PTPN4: variants seen among roughly 807,000 people sequenced by gnomAD.
PTPN4 encodes protein tyrosine phosphatase non-receptor type 4, also known as tyrosine-protein phosphatase non-receptor type 4.
PTPN4 carries 49 observed loss-of-function variants against 135.5 expected under a neutral mutation model. The ratio of observed to expected loss-of-function variants is 0.36; its 90% CI spans 0.29 to 0.46. The LOEUF (loss-of-function observed/expected upper bound fraction) is 0.46. Among genes scored for constraint, PTPN4 ranks in the 20% least tolerant of loss-of-function variants. The pLI, the probability that PTPN4 is intolerant of heterozygous loss-of-function variation, is 1.00. For missense variants in PTPN4, 860 were observed against 1,101.0 expected, an observed-to-expected ratio of 0.78 and a Z score of 3.10; for synonymous variants, 333 against 369.9, an observed-to-expected ratio of 0.90 and a Z score of 1.14.
chr2:119,838,834 C>G (rs564697165), intron 2 of PTPN4, among the ~76,000 whole-genome samples: 1 of 152,226 alleles, frequency 6.6e-6, no homozygotes, highest in Non-Finnish European at 1.5e-5. Flanking sequence ...ATCATTCACT[C>G]ATTCAGTTAT....
intron 10 of PTPN4, among the ~76,000 whole-genome samples, chr2:119,903,778 A>T (rs1489991896): frequency 6.6e-6 from 1 of 152,170 alleles, no homozygotes; most frequent in African/African-American, 2.4e-5. Context: ...AAGGACTGGC[A>T]TGCCCAGCCT....
intron 2 of PTPN4, among the ~76,000 whole-genome samples, chr2:119,836,916 C>T (rs1228501610): frequency 6.6e-6 from 1 of 152,224 alleles, no homozygotes; most frequent in Non-Finnish European, 1.5e-5. Context: ...CTGAGGATGG[C>T]TCGTCACGGG....
At chr2:119,899,695 A>T (rs1678376696) in intron 9 of PTPN4, among the ~76,000 whole-genome samples, 1 of 152,136 alleles carries the variant, frequency 6.6e-6, no homozygotes, top group Admixed American at 6.5e-5. Context: ...TCTTGATCCA[A>T]ACTTCTAATT....
chr2:119,941,644 C>T (rs75655985), intron 15 of PTPN4, among the ~76,000 whole-genome samples: 3,684 of 152,208 alleles, frequency 0.024, 67 homozygotes, highest in African/African-American at 0.063. Context: ...TTACATAAGA[C>T]AGTGAGAAGG....
intron 26 of PTPN4, among the ~76,000 whole-genome samples, chr2:119,971,454 AATT>A (rs1679534031): frequency 6.6e-6 from 1 of 152,330 alleles, no homozygotes; most frequent in South Asian, 2.1e-4. Context: ...TACATGTGAT[AATT>A]AGCTATTTAT....
At chr2:119,849,334 T>C (rs1677555926) in intron 2 of PTPN4, among the ~76,000 whole-genome samples, 1 of 152,202 alleles carries the variant, frequency 6.6e-6, no homozygotes, top group South Asian at 2.1e-4. Flanking sequence ...AGGGTGTTGC[T>C]TTGTCACCCA....
chr2:119,834,228 C>G (rs748746030), intron 2 of PTPN4, among the ~76,000 whole-genome samples: 9 of 152,120 alleles, frequency 5.9e-5, no homozygotes, highest in Non-Finnish European at 1.0e-4. Flanking sequence ...TTGTTTTTAA[C>G]TATAGTCACC....
chr2:119,852,337 G>C (rs946041536), intron 2 of PTPN4, among the ~76,000 whole-genome samples: 1 of 152,242 alleles, frequency 6.6e-6, no homozygotes, highest in East Asian at 1.9e-4. Context: ...AGAAACAGGA[G>C]CTGTGTTAGG....
At chr2:119,775,046 A>C (rs1038117995) in intron 1 of PTPN4, among the ~76,000 whole-genome samples, 1 of 150,732 alleles carries the variant, frequency 6.6e-6, no homozygotes. Context: ...ATTGAGGAGA[A>C]AAGATATCTG....
chr2:119,909,980 A>AT (rs1165182454), intron 10 of PTPN4, among the ~76,000 whole-genome samples: 2 of 152,168 alleles, frequency 1.3e-5, no homozygotes, highest in African/African-American at 4.8e-5. Flanking sequence ...AAAGAAAGTG[A>AT]TTTTTTGAGA....
chr2:119,796,229 C>T (rs1452086881), intron 1 of PTPN4, among the ~76,000 whole-genome samples: 2 of 152,152 alleles, frequency 1.3e-5, no homozygotes, highest in Admixed American at 6.5e-5. Flanking sequence ...CTGGATGGCC[C>T]GCTGCTGCCA....
chr2:119,962,705 T>G lies in PTPN4; in HGVS notation c.2370T>G (p.Thr790=), dbSNP rs374577679. Residue 790 remains threonine (T), a synonymous_variant, in exon 24 of 27, where the codon ACT becomes ACG. Transcript: ENST00000263708. ...CCTGCCACTCTGAAGAAGGAAACAC[T>G]GCCTATATCTTCAGGAAGATGACCC... ...QVTCHSEEGN[T]AYIFRKMTLF... is the part of the protein sequence containing the mutation. 1 of 1,589,552 alleles carries G rather than the reference T, an allele frequency of 6.3e-7. No homozygotes were observed. Among genetic ancestry groups the G allele is most frequent in the Non-Finnish European group, 8.6e-7 (1 of 1,162,708 alleles).
intron 1 of PTPN4, among the ~76,000 whole-genome samples, chr2:119,785,044 C>A (rs1006776464): frequency 1.3e-5 from 2 of 152,132 alleles, no homozygotes; most frequent in Non-Finnish European, 2.9e-5. Flanking sequence ...GCACTATTGA[C>A]ATTTTGGACC....
At chr2:119,858,235 A>T (rs1406991465) in intron 2 of PTPN4, among the ~76,000 whole-genome samples, 21 of 152,222 alleles carry the variant, frequency 1.4e-4, no homozygotes, top group Non-Finnish European at 1.5e-5. Flanking sequence ...GTGATGCAAG[A>T]ACAGCCTAAC....
chr2:119,928,543 C>G (rs190958464), intron 13 of PTPN4, among the ~76,000 whole-genome samples: 54 of 152,064 alleles, frequency 3.6e-4, no homozygotes, highest in Middle Eastern at 6.8e-3. Flanking sequence ...GGGGTTGGAC[C>G]AAACGGTGTC....
chr2:119,789,473 G>A (rs1691101947), intron 1 of PTPN4, among the ~76,000 whole-genome samples: 1 of 151,926 alleles, frequency 6.6e-6, no homozygotes, highest in Non-Finnish European at 1.5e-5. Context: ...CCGTGCTATT[G>A]GTGTCATATA....
chr2:119,926,923 A>C (rs1346101095), intron 13 of PTPN4, among the ~76,000 whole-genome samples: 1 of 152,100 alleles, frequency 6.6e-6, no homozygotes, highest in Non-Finnish European at 1.5e-5. Flanking sequence ...TTATGTTATT[A>C]ATATAATATT....
rs574513193 is a variant in PTPN4 at position 119,924,553 on chromosome 2, AAG to A, written c.1002-2037_1002-2036del. ...AAGCCTATATATAAAGAGAGAGAGA[AAG>A]AGAGAGAACTTTCTCATTGCTCAAA... On this transcript the variant is annotated intron_variant, in intron 12 of 26. Transcript: ENST00000263708. Among the ~76,000 whole-genome samples the A allele has an allele frequency of 3.4e-4, 51 of 152,196 alleles. 1 individual carries two copies. The highest frequency in any genetic ancestry group is 1.2e-3 in the African/African-American group (48 of 41,532).
At chr2:119,864,559 A>G (rs2104989300) in intron 3 of PTPN4, among the ~76,000 whole-genome samples, 1 of 152,190 alleles carries the variant, frequency 6.6e-6, no homozygotes, top group East Asian at 1.9e-4. Flanking sequence ...ACAAGATGAC[A>G]AAAGAGGAAG....
Sources: gnomAD v4.1 joint callset for allele counts (sites outside exome capture counted in the v4.1 genomes callset) on GRCh38, gnomAD v4.1.1 for gene constraint, MANE v1.5 for transcripts, NCBI Gene and HGNC (gene_info 2026-07-23, HGNC 2026-07-21) for gene names.